Variants in CDH4 observed in about 807,000 individuals in gnomAD.
The protein encoded by CDH4 is cadherin 4.
In CDH4, 33 loss-of-function variants were observed where a neutral mutation model predicts 86.0. The observed-to-expected ratio is 0.38, with a 90% CI of 0.29 to 0.51. The LOEUF (loss-of-function observed/expected upper bound fraction) is 0.51, where lower values mean the gene tolerates loss of function less well. Among genes scored for constraint, CDH4 ranks in the 20% least tolerant of loss-of-function variants. The pLI, the probability that CDH4 is intolerant of heterozygous loss-of-function variation, is 0.86. For missense variants in CDH4, 1,114 were observed against 1,307.4 expected (o/e 0.85, Z 2.28); for synonymous variants, 555 against 549.4 (o/e 1.01, Z -0.14).
intron 2 of CDH4, among the ~76,000 whole-genome samples, chr20:61,653,103 C>T (rs2145818926): frequency 7.9e-6 from 1 of 126,568 alleles, no homozygotes; most frequent in Non-Finnish European, 1.8e-5. Context: ...GTGTTTGTGT[C>T]CCTGGGTACT....
At chr20:61,828,658 T>C (rs1366721336) in intron 4 of CDH4, among the ~76,000 whole-genome samples, 1 of 152,232 alleles carries the variant, frequency 6.6e-6, no homozygotes, top group Non-Finnish European at 1.5e-5. Context: ...ATGGCCTCCC[T>C]GTGGGAGTCC....
rs116199345 is a variant in CDH4, at chr20:61,919,720, G to A, written c.1375-3731G>A. 8.2e-3 allele frequency among the ~76,000 whole-genome samples: 1,237 copies of A among 151,326 alleles called. 14 individuals are homozygous for A. The highest frequency in any genetic ancestry group is 0.027 in the African/African-American group (1,093 of 40,854). On this transcript the variant is annotated intron_variant, in intron 9 of 15. Transcript: ENST00000614565. ...GGAACCTGCATAATTGCGTGGAAGCGCTGTGTCATGATGATTGCGTGGAAG... is the reference window on the plus strand; with the variant it reads ...GGAACCTGCATAATTGCGTGGAAGCACTGTGTCATGATGATTGCGTGGAAG...
chr20:61,742,162 A>AGGGGAACAGATCCGG, intron 2 of CDH4, among the ~76,000 whole-genome samples: 1 of 151,892 alleles, frequency 6.6e-6, no homozygotes, highest in African/African-American at 2.4e-5. Context: ...CGTCCTTAGA[A>AGGGGAACAGATCCGG]GGGGAACAGA....
chr20:61,401,946 A>G (rs6121764), intron 2 of CDH4, among the ~76,000 whole-genome samples: 76,544 of 152,096 alleles, frequency 0.5, 20,311 homozygotes, highest in African/African-American at 0.67. Context: ...ACATGCATTT[A>G]ATGATGGACT....
chr20:61,481,007 CA>C (rs2085565255), intron 2 of CDH4, among the ~76,000 whole-genome samples: 1 of 152,198 alleles, frequency 6.6e-6, no homozygotes, highest in Non-Finnish European at 1.5e-5. Context: ...CGTTCTCAGT[CA>C]GCTTCATTTC....
chr20:61,843,323 G>A (rs893670418), intron 4 of CDH4, among the ~76,000 whole-genome samples: 8 of 151,600 alleles, frequency 5.3e-5, no homozygotes, highest in African/African-American at 1.7e-4. Flanking sequence ...GGTGGCGGGC[G>A]CCTGTAGTCC....
chr20:61,435,798 G>A (rs2085278078), intron 2 of CDH4: 1 of 152,278 alleles, frequency 6.6e-6, no homozygotes, highest in African/African-American at 2.4e-5. Context: ...ACCCTTCCTG[G>A]AGACGCAGAA....
chr20:61,492,121 A>G (rs1401375127), intron 2 of CDH4, among the ~76,000 whole-genome samples: 1 of 147,594 alleles, frequency 6.8e-6, no homozygotes, highest in African/African-American at 2.5e-5. Context: ...GGTGGTGTCG[A>G]TATTGTTAAT....
At chr20:61,864,725 C>T (rs916597020) in intron 6 of CDH4, among the ~76,000 whole-genome samples, 4 of 152,194 alleles carry the variant, frequency 2.6e-5, no homozygotes, top group Admixed American at 1.3e-4. Context: ...CCCAGCTTCC[C>T]GGGCAGACCC....
chr20:61,864,194 C>A (rs1983446711), intron 6 of CDH4, among the ~76,000 whole-genome samples: 1 of 152,142 alleles, frequency 6.6e-6, no homozygotes, highest in African/African-American at 2.4e-5. Context: ...GTGCCCCAAC[C>A]CCAGGAGCTG....
At chr20:61,338,024 G>A (rs1273719094) in intron 2 of CDH4, among the ~76,000 whole-genome samples, 1 of 152,114 alleles carries the variant, frequency 6.6e-6, no homozygotes, top group African/African-American at 2.4e-5. Flanking sequence ...GGGGTCTTTT[G>A]CAATGTTTTA....
chr20:61,576,790 G>T (rs1230785954), intron 2 of CDH4, among the ~76,000 whole-genome samples: 1 of 152,224 alleles, frequency 6.6e-6, no homozygotes, highest in African/African-American at 2.4e-5. Flanking sequence ...GGGCCTGTAT[G>T]AGTGCGTGGA....
At chr20:61,763,647 T>C (rs6142851) in intron 3 of CDH4, among the ~76,000 whole-genome samples, 22,618 of 152,000 alleles carry the variant, frequency 0.15, 1,804 homozygotes, top group Non-Finnish European at 0.16. Flanking sequence ...CAGACCACGA[T>C]TGTGGGGAAA....
At chr20:61,593,967 A>G (rs2086535845) in intron 2 of CDH4, among the ~76,000 whole-genome samples, 1 of 140,054 alleles carries the variant, frequency 7.1e-6, no homozygotes, top group African/African-American at 2.6e-5. Flanking sequence ...TGGTGAACGC[A>G]TGGATGAAAT....
rs776273601 is a variant in CDH4 at position 61,873,921 on chromosome 20, C to CG, written c.1050+22dup. The CG allele has an allele frequency of 2.5e-6, 4 of 1,609,714 alleles. No individual in the cohort carries two copies. In the African/African-American group the frequency reaches 5.3e-5, roughly 21 times the overall value. On this transcript the variant is annotated intron_variant, in intron 7 of 15. Coordinates refer to ENST00000614565, the MANE Select transcript of CDH4 (RefSeq NM_001794.5). ...GAGAGGTGAGGCGGGGTGGGGTCTG[C>CG]GTGCAGGCGGGTGAGCTCCTGGTCC...
At chr20:61,682,196 G>T (rs2087522474) in intron 2 of CDH4, among the ~76,000 whole-genome samples, 1 of 151,968 alleles carries the variant, frequency 6.6e-6, no homozygotes, top group Non-Finnish European at 1.5e-5. Context: ...AGGGATGGAT[G>T]GACAAGTGGA....
chr20:61,543,226 C>G (rs1268072959), intron 2 of CDH4, among the ~76,000 whole-genome samples: 1 of 152,188 alleles, frequency 6.6e-6, no homozygotes, highest in Non-Finnish European at 1.5e-5. Context: ...ACAGACACAC[C>G]CAGGAGCAGT....
chr20:61,328,225 G>T (rs2084546913), intron 2 of CDH4, among the ~76,000 whole-genome samples: 1 of 152,072 alleles, frequency 6.6e-6, no homozygotes, highest in African/African-American at 2.4e-5. Flanking sequence ...ACCCAGGCTG[G>T]AGTGCAGTGG....
At chr20:61,401,501 G>C (rs191459485) in intron 2 of CDH4, among the ~76,000 whole-genome samples, 154 of 152,274 alleles carry the variant, frequency 1.0e-3, no homozygotes, top group Non-Finnish European at 1.4e-3. Context: ...AACGTAACTC[G>C]TGCTCGTGCA....
Sources: allele counts gnomAD v4.1 joint callset (sites outside exome capture counted in the v4.1 genomes callset), GRCh38; gene constraint gnomAD v4.1.1; transcripts MANE v1.5; gene names NCBI Gene and HGNC (gene_info 2026-07-23, HGNC 2026-07-21).